The following POTEF variants were observed in gnomAD, a reference collection of about 807,000 sequenced individuals.
POTEF encodes ANKRD26-like family C member 1B.
Under a neutral mutation model 83.2 loss-of-function variants are expected in POTEF, and 20 were observed. That is an observed-to-expected ratio of 0.24 (90% CI 0.17 to 0.35). The LOEUF (loss-of-function observed/expected upper bound fraction) is 0.35, where lower values mean the gene tolerates loss of function less well. Among genes scored for constraint, POTEF ranks in the 10% least tolerant of loss-of-function variants. The probability of loss-of-function intolerance (pLI) is 1.00; values close to 1 mark genes in which losing one functional copy is unlikely to be tolerated. For synonymous variants in POTEF, 196 were observed against 446.4 expected, an observed-to-expected ratio of 0.44 and a Z score of 7.07; for missense variants, 550 against 1,203.2, an observed-to-expected ratio of 0.46 and a Z score of 8.03.
chr2:130,108,468 T>C (rs1157773908), intron 7 of POTEF, among the ~76,000 whole-genome samples: 1 of 151,950 alleles, frequency 6.6e-6, no homozygotes, highest in Non-Finnish European at 1.5e-5. Flanking sequence ...TTTCACTAGG[T>C]TGTTATAAAG....
chr2:130,107,986 T>G lies in POTEF; in HGVS notation c.1126+23A>C, dbSNP rs552010135. 35 of 1,608,698 alleles carry G rather than the reference T, an allele frequency of 2.2e-5. 1 individual carries two copies. In the African/African-American group the frequency reaches 4.0e-4, roughly 18 times the overall value. On this transcript the variant is annotated intron_variant, in intron 8 of 16. Coordinates refer to ENST00000409914, the MANE Select transcript of POTEF (RefSeq NM_001099771.2). The stretch of plus-strand genomic sequence containing the variant: ...AAAGATTGGGGACAACTGACTAAAG[T>G]AATTCACTATCACAAGTCTTACCTG...
chr2:130,115,596 G>A lies in POTEF; in HGVS notation c.522-268C>T, dbSNP rs543350835. On this transcript the variant is annotated intron_variant, in intron 3 of 16. Coordinates refer to ENST00000409914, the MANE Select transcript of POTEF (RefSeq NM_001099771.2). ...CCTACTTGAAGCTCTGTCACTTCCTGGCTGTTGCTTAGCCTTTTGGGGTCT... is the reference window on the plus strand; with the variant it reads ...CCTACTTGAAGCTCTGTCACTTCCTAGCTGTTGCTTAGCCTTTTGGGGTCT... Among the ~76,000 whole-genome samples, 6 of 152,218 alleles carry A rather than the reference G, an allele frequency of 3.9e-5. No homozygotes were observed. In the East Asian group the frequency reaches 1.2e-3, roughly 29 times the overall value.
intron 2 of POTEF, among the ~76,000 whole-genome samples, chr2:130,122,945 A>T (rs1446405421): frequency 6.8e-6 from 1 of 147,312 alleles, no homozygotes; most frequent in Admixed American, 6.8e-5. Context: ...AACACAGACA[A>T]TCTCACCCCT....
chr2:130,121,209 C>G (rs572677688), intron 2 of POTEF, among the ~76,000 whole-genome samples: 1 of 150,106 alleles, frequency 6.7e-6, no homozygotes, highest in African/African-American at 2.5e-5. Context: ...AACGCGCCTG[C>G]TTAAGTCTTG....
chr2:130,113,237 A>C (rs1684757941), intron 5 of POTEF, among the ~76,000 whole-genome samples: 1 of 123,028 alleles, frequency 8.1e-6, no homozygotes, highest in South Asian at 2.8e-4. Context: ...AAAAAAAAAA[A>C]AACTGAGGTT....
intron 5 of POTEF, among the ~76,000 whole-genome samples, chr2:130,114,262 A>T (rs894816500): frequency 6.6e-6 from 1 of 151,788 alleles, no homozygotes; most frequent in South Asian, 2.1e-4. Context: ...TTGTCTCACC[A>T]TGCAAAGGAA....
rs532478559 is a variant in POTEF at position 130,117,876 on chromosome 2, G to A, written c.521+2119C>T. Among the ~76,000 whole-genome samples the A allele has an allele frequency of 9.7e-4, 148 of 151,902 alleles. 2 individuals are homozygous for A. The highest frequency in any genetic ancestry group is 3.4e-3 in the African/African-American group (139 of 41,302). ...AGCAATTTAAACTTTAAATGACTACGTAAGTACCACTGTTCTTCATCCTCA... is the reference window on the plus strand; with the variant it reads ...AGCAATTTAAACTTTAAATGACTACATAAGTACCACTGTTCTTCATCCTCA... On this transcript the variant is annotated intron_variant, in intron 3 of 16. Transcript: ENST00000409914.
At chr2:130,119,862 C>CT (rs1684951701) in intron 3 of POTEF, 133 bp downstream of exon 3, 3 of 1,012,292 alleles carry the variant, frequency 3.0e-6, no homozygotes, top group Admixed American at 3.0e-5. Flanking sequence ...CCTGACCTCT[C>CT]TGAGGTTTCC....
rs555300722 is a variant in POTEF at position 130,120,804 on chromosome 2, C to T, written c.-93-196G>A. On this transcript the variant is annotated intron_variant, in intron 2 of 16. Transcript: ENST00000409914. ...ACACCCAGCCCACCCAAGGGAATGC[C>T]AAACCCAGCAGAGAAAAGGTCAAGC... 4.9e-3 allele frequency: 2,661 copies of T among 542,586 alleles called. 19 individuals carry two copies. Among genetic ancestry groups the T allele is most frequent in the Middle Eastern group, 0.029 (57 of 1,980 alleles). The allele number at this position is 542,586 out of a possible 1,614,324, so 33.6% of individuals were successfully genotyped here. A position where few individuals can be genotyped will look rare whatever the true frequency, so the allele number is the denominator to read the frequency against.
At chr2:130,083,311 G>C (rs1218157100) in intron 15 of POTEF, among the ~76,000 whole-genome samples, 46 of 152,254 alleles carry the variant, frequency 3.0e-4, no homozygotes, top group Middle Eastern at 6.8e-3. Flanking sequence ...CTCCAGCCTG[G>C]GGGACAAAGT....
chr2:130,111,890 A>G, intron 6 of POTEF, 105 bp downstream of exon 6: 1 of 796,622 alleles, frequency 1.3e-6, no homozygotes, highest in South Asian at 1.8e-5. Context: ...GTTGATACTG[A>G]TCACTACATC....
Position 130,075,253 on chromosome 2 carries a change from T to A in POTEF, c.2219A>T (p.Gln740Leu), listed in dbSNP as rs759576535. 8.1e-6 allele frequency: 13 copies of A among 1,612,492 alleles called. No individual in the cohort carries two copies. The highest frequency in any genetic ancestry group is 1.1e-5 in the Non-Finnish European group (13 of 1,179,876). The change falls in exon 17 of 17, where the codon CAG (glutamine) becomes CTG (leucine). Residue 740 changes from glutamine to leucine, a missense_variant. By Grantham distance (113) the Gln-to-Leu change is moderately radical. Coordinates refer to ENST00000409914, the MANE Select transcript of POTEF (RefSeq NM_001099771.2). ...VFPSIVGRPRQQGMMGGMHQK... is the reference protein window; with the variant it reads ...VFPSIVGRPRLQGMMGGMHQK... Reference sequence around the variant, plus strand: ...ATGCATGCCCCCCATCATGCCCTGCTGCCTGGGGCGCCCCACGATGGAAGG... The same window carrying A: ...ATGCATGCCCCCCATCATGCCCTGCAGCCTGGGGCGCCCCACGATGGAAGG...
chr2:130,105,410 T>TA (rs1684496299), intron 8 of POTEF, among the ~76,000 whole-genome samples: 1 of 151,652 alleles, frequency 6.6e-6, no homozygotes, highest in Non-Finnish European at 1.5e-5. Context: ...TCCAAGGATG[T>TA]ATGACAAGGA....
At chr2:130,112,843 T>A (rs1399260092) in intron 5 of POTEF, among the ~76,000 whole-genome samples, 1 of 151,198 alleles carries the variant, frequency 6.6e-6, no homozygotes, top group East Asian at 1.9e-4. Context: ...TAGAATTTGC[T>A]ACTATTCTAA....
In POTEF at chr2:130,106,045, CAT is replaced by C. The variant is rs1457171646; in HGVS notation, c.1126+1962_1126+1963del. Among the ~76,000 whole-genome samples the C allele has an allele frequency of 3.2e-3, 486 of 151,204 alleles. 15 individuals are homozygous for C. The highest frequency in any genetic ancestry group is 0.011 in the African/African-American group (465 of 40,626). On this transcript the variant is annotated intron_variant, in intron 8 of 16. Coordinates refer to ENST00000409914, the MANE Select transcript of POTEF (RefSeq NM_001099771.2). ...AAGTTTTCTCCCTGTTTAAAAGACA[CAT>C]GTGAAGAAAAGCAGCCCTTGCGATG...
chr2:130,114,399 G>A (rs1403081071), intron 5 of POTEF, among the ~76,000 whole-genome samples: 4 of 145,612 alleles, frequency 2.7e-5, no homozygotes, highest in African/African-American at 5.2e-5. Context: ...TTCCACTTCT[G>A]GCTCATGAGC....
intron 3 of POTEF, among the ~76,000 whole-genome samples, chr2:130,116,590 A>G (rs1296513767): frequency 7.4e-5 from 8 of 107,432 alleles, no homozygotes; most frequent in East Asian, 7.2e-4. Context: ...ACCTATAAGT[A>G]AGAACATGCA....
intron 8 of POTEF, among the ~76,000 whole-genome samples, chr2:130,103,395 G>A (rs190716297): frequency 6.6e-6 from 1 of 150,550 alleles, no homozygotes; most frequent in Non-Finnish European, 1.5e-5. Context: ...CACCACACTT[G>A]TCCTTATATT....
At chr2:130,076,830 T>G (rs1683820459) in intron 16 of POTEF, among the ~76,000 whole-genome samples, 1 of 151,578 alleles carries the variant, frequency 6.6e-6, no homozygotes, top group South Asian at 2.1e-4. Context: ...CATCAATTCT[T>G]ATGAAAAATA....
Sources: gnomAD v4.1 joint callset for allele counts (sites outside exome capture counted in the v4.1 genomes callset) on GRCh38, gnomAD v4.1.1 for gene constraint, MANE v1.5 for transcripts, NCBI Gene and HGNC (gene_info 2026-07-23, HGNC 2026-07-21) for gene names.